GRIK4: variants seen among roughly 807,000 people sequenced by gnomAD.
GRIK4 encodes glutamate receptor ionotropic, kainate 4.
In GRIK4, 40 loss-of-function variants were observed where a neutral mutation model predicts 104.9. The ratio of observed to expected loss-of-function variants is 0.38; its 90% CI spans 0.30 to 0.50. The LOEUF is 0.50. GRIK4 is among the 20% of genes least tolerant of loss of function. The pLI is 0.93. For synonymous variants in GRIK4, 485 were observed against 524.9 expected (o/e 0.92, Z 1.04); for missense variants, 1,047 against 1,308.1 (o/e 0.80, Z 3.08).
intron 3 of GRIK4, among the ~76,000 whole-genome samples, chr11:120,669,551 G>A (rs973306610): frequency 1.3e-5 from 2 of 152,196 alleles, no homozygotes; most frequent in East Asian, 1.9e-4. Flanking sequence ...TCAGTCCCGG[G>A]CATTGATGCC....
At chr11:120,632,569 C>T (rs923850472) in intron 1 of GRIK4, among the ~76,000 whole-genome samples, 2 of 152,098 alleles carry the variant, frequency 1.3e-5, no homozygotes, top group Non-Finnish European at 2.9e-5. Flanking sequence ...AGAAGTCTAA[C>T]ACTTGTCCCC....
At chr11:120,679,656 G>A (rs1565290813) in intron 3 of GRIK4, among the ~76,000 whole-genome samples, 1 of 152,174 alleles carries the variant, frequency 6.6e-6, no homozygotes, top group East Asian at 1.9e-4. Flanking sequence ...AAGAGAGCAG[G>A]GACCCTCCTG....
In GRIK4 at chr11:120,940,250, A is replaced by G; in HGVS notation, c.1477-97A>G. The G allele has an allele frequency of 1.4e-6, 1 of 711,248 alleles. No individual in the cohort carries two copies. Among genetic ancestry groups the G allele is most frequent in the Non-Finnish European group, 2.5e-6 (1 of 400,674 alleles). The allele number at this position is 711,248 out of a possible 1,614,324, so 44.1% of individuals were successfully genotyped here. A position where few individuals can be genotyped will look rare whatever the true frequency, so the allele number is the denominator to read the frequency against. On this transcript the variant is annotated intron_variant, in intron 13 of 20. Coordinates refer to ENST00000527524, the MANE Select transcript of GRIK4 (RefSeq NM_014619.5). This position sits in a 1 kb window ranked among gnomAD's most constrained non-coding sequence, Gnocchi z 4.3. ...TCCTCAAGCAAGAAGCCAGACCAGC[A>G]TCACATCTCCAATAGCAGTGACGGT... is the stretch of plus-strand genomic sequence containing the variant.
At chr11:120,531,820 C>A (rs1947927054) in intron 1 of GRIK4, among the ~76,000 whole-genome samples, 1 of 152,172 alleles carries the variant, frequency 6.6e-6, no homozygotes, top group African/African-American at 2.4e-5. Flanking sequence ...AGATGATCCA[C>A]CCGCCTTGGT....
In GRIK4 at chr11:120,827,488, G is replaced by A. The variant is rs573709578; in HGVS notation, c.512-4364G>A. 2.1e-3 allele frequency among the ~76,000 whole-genome samples: 324 copies of A among 152,374 alleles called. 3 individuals are homozygous for A. Among genetic ancestry groups the A allele is most frequent in the Non-Finnish European group, 3.5e-4 (24 of 68,040 alleles). Reference sequence around the variant, plus strand: ...GGGCCATGGTCTGGAAGGAGAGGAGGGTGGGGGTGGAAGTGGATGGGGTGT... The same window carrying A: ...GGGCCATGGTCTGGAAGGAGAGGAGAGTGGGGGTGGAAGTGGATGGGGTGT... On this transcript the variant is annotated intron_variant, in intron 6 of 20. Transcript: ENST00000527524.
chr11:120,874,671 A>G (rs73584405), intron 10 of GRIK4, among the ~76,000 whole-genome samples: 199 of 152,248 alleles, frequency 1.3e-3, no homozygotes, highest in African/African-American at 4.6e-3. Flanking sequence ...GTGAATGAGG[A>G]TCTCTACCCT....
At chr11:120,805,455 T>C (rs1952693105) in intron 4 of GRIK4, among the ~76,000 whole-genome samples, 2 of 152,204 alleles carry the variant, frequency 1.3e-5, no homozygotes, top group South Asian at 4.1e-4. Context: ...TTGAGCCAGA[T>C]GAATCAGGGG....
chr11:120,735,690 T>TAA (rs113346918), intron 3 of GRIK4, among the ~76,000 whole-genome samples: 21,739 of 150,106 alleles, frequency 0.14, 1,700 homozygotes, highest in South Asian at 0.24. Flanking sequence ...GGGATTGGAG[T>TAA]GAAAAAAAAA....
At chr11:120,700,495 G>A (rs1950534586) in intron 3 of GRIK4, among the ~76,000 whole-genome samples, 1 of 151,534 alleles carries the variant, frequency 6.6e-6, no homozygotes, top group South Asian at 2.1e-4. Context: ...GTCTTGCTCT[G>A]TTGCCCAGGC....
chr11:120,550,364 G>A (rs1948127894), intron 1 of GRIK4, among the ~76,000 whole-genome samples: 1 of 145,382 alleles, frequency 6.9e-6, no homozygotes, highest in Admixed American at 6.9e-5. Flanking sequence ...GAGTTGGGGG[G>A]TGGGGTGGGG....
intron 3 of GRIK4, among the ~76,000 whole-genome samples, chr11:120,766,749 CA>C (rs1951847700): frequency 6.6e-6 from 1 of 151,792 alleles, no homozygotes; most frequent in Non-Finnish European, 1.5e-5. Context: ...GACGACACCC[CA>C]CCCTGCTTCT....
intron 3 of GRIK4, among the ~76,000 whole-genome samples, chr11:120,760,546 A>G (rs886654961): frequency 2.0e-5 from 3 of 151,838 alleles, no homozygotes; most frequent in South Asian, 2.1e-4. Flanking sequence ...TGCTGCACCC[A>G]TCAACCCGTC....
At chr11:120,722,145 T>C (rs111778474) in intron 3 of GRIK4, among the ~76,000 whole-genome samples, 6,257 of 152,276 alleles carry the variant, frequency 0.041, 385 homozygotes, top group African/African-American at 0.14. Flanking sequence ...TAGTGGGTGC[T>C]GAGCAAGCCA....
chr11:120,763,392 A>G (rs543649172), intron 3 of GRIK4, among the ~76,000 whole-genome samples: 122 of 152,228 alleles, frequency 8.0e-4, no homozygotes, highest in Middle Eastern at 3.4e-3. Context: ...TCAAAAAACC[A>G]GTTCCTGGAT....
At chr11:120,756,265 T>A (rs1320416176) in intron 3 of GRIK4, among the ~76,000 whole-genome samples, 2 of 152,182 alleles carry the variant, frequency 1.3e-5, no homozygotes, top group Non-Finnish European at 2.9e-5. Context: ...ACTATGCTCC[T>A]CCCCCTCCAG....
chr11:120,631,493 G>A (rs1034328044), intron 1 of GRIK4, among the ~76,000 whole-genome samples: 2 of 152,148 alleles, frequency 1.3e-5, no homozygotes, highest in Non-Finnish European at 2.9e-5. Context: ...GTCGATGGGA[G>A]CCTCTTAAGG....
chr11:120,695,545 A>T (rs1950432188), intron 3 of GRIK4, among the ~76,000 whole-genome samples: 1 of 152,268 alleles, frequency 6.6e-6, no homozygotes, highest in South Asian at 2.1e-4. Flanking sequence ...CACGCTTGTC[A>T]GAACTTTCAT....
At chr11:120,568,193 A>C (rs955310337) in intron 1 of GRIK4, among the ~76,000 whole-genome samples, 4 of 152,080 alleles carry the variant, frequency 2.6e-5, no homozygotes, top group African/African-American at 9.7e-5. Flanking sequence ...CAAACAAACA[A>C]ACAAACAAAA....
chr11:120,741,205 C>T (rs2508806), intron 3 of GRIK4, among the ~76,000 whole-genome samples: 113,080 of 151,316 alleles, frequency 0.75, 42,581 homozygotes, highest in Middle Eastern at 0.85. Flanking sequence ...ATTAGAGACA[C>T]AGAGAAAGAA....
Sources: gnomAD v4.1 joint callset for allele counts (sites outside exome capture counted in the v4.1 genomes callset) on GRCh38, gnomAD v4.1.1 for gene constraint, Gnocchi (gnomAD v3.1) non-coding constraint, MANE v1.5 for transcripts, NCBI Gene and HGNC (gene_info 2026-07-23, HGNC 2026-07-21) for gene names.